The following PRKCH variants were observed in gnomAD, a reference collection of about 807,000 sequenced individuals.
PRKCH encodes protein kinase C eta type.
PRKCH carries 28 observed loss-of-function variants against 82.5 expected under a neutral mutation model. The observed-to-expected ratio is 0.34, with a 90% confidence interval of 0.25 to 0.47. The LOEUF (loss-of-function observed/expected upper bound fraction) is 0.47. Ranked by LOEUF, PRKCH falls within the 20% of genes least tolerant of loss-of-function variation. The probability of loss-of-function intolerance (pLI) is 1.00; values close to 1 mark genes in which losing one functional copy is unlikely to be tolerated. For synonymous variants in PRKCH, 322 were observed against 327.4 expected (o/e 0.98, Z 0.18); for missense variants, 705 against 881.8 (o/e 0.80, Z 2.54).
In PRKCH at chr14:61,205,352, T is replaced by G. The variant is rs566733463; in HGVS notation, c.-19+17684T>G. Among the ~76,000 whole-genome samples, 7 of 152,250 alleles carry G rather than the reference T, an allele frequency of 4.6e-5. No individual in the cohort carries two copies. In the East Asian group the frequency reaches 1.4e-3, roughly 29 times the overall value. On this transcript the variant is annotated intron_variant, in intron 1 of 3. Transcript: ENST00000555185. ...GGATTCTGACAGGAAACAGAAGTAG[T>G]TGAGATTCTGAAGGCAATTCCATAA... is the stretch of plus-strand genomic sequence containing the variant.
At chr14:61,519,300 TG>T (rs2042871486) in intron 10 of PRKCH, among the ~76,000 whole-genome samples, 1 of 151,726 alleles carries the variant, frequency 6.6e-6, no homozygotes, top group African/African-American at 2.4e-5. Context: ...AATGAATGAA[TG>T]AATGAATGAA....
At chr14:61,542,686 GTC>G (rs2043203546) in intron 12 of PRKCH, among the ~76,000 whole-genome samples, 1 of 152,178 alleles carries the variant, frequency 6.6e-6, no homozygotes, top group African/African-American at 2.4e-5. Flanking sequence ...TCAGAGTGTA[GTC>G]TCTCAGCAGC....
chr14:61,235,821 A>G (rs59227995), intron 1 of PRKCH, among the ~76,000 whole-genome samples: 7,874 of 152,310 alleles, frequency 0.052, 298 homozygotes, highest in East Asian at 0.12. Flanking sequence ...GGGCTGCCAC[A>G]TGGTCAGATA....
rs184432847 is a variant in PRKCH at position 61,525,265 on chromosome 14, G to A, written c.1434-3810G>A. On this transcript the variant is annotated intron_variant, in intron 10 of 13. Transcript: ENST00000332981. The stretch of plus-strand genomic sequence containing the variant: ...GGGCTGAGGGCAGCACTGGTAGCCT[G>A]GAATTACATTATGCTCTTAATTGAA... 6 of 152,352 alleles carry A rather than the reference G, an allele frequency of 3.9e-5. No individual in the cohort carries two copies. In the East Asian group the frequency reaches 1.2e-3, roughly 29 times the overall value. 9.4% of individuals were successfully genotyped at this position (152,352 alleles called of 1,614,324 possible).
intron 1 of PRKCH, among the ~76,000 whole-genome samples, chr14:61,218,682 T>C (rs2044633388): frequency 6.6e-6 from 1 of 152,192 alleles, no homozygotes; most frequent in Admixed American, 6.5e-5. Flanking sequence ...GGCTTTTGTC[T>C]CTAAGCCCTC....
intron 1 of PRKCH, among the ~76,000 whole-genome samples, chr14:61,294,534 C>T (rs1388443952): frequency 6.6e-6 from 1 of 151,604 alleles, no homozygotes; most frequent in Non-Finnish European, 1.5e-5. Context: ...TTGTGTCACC[C>T]AAGCATGTGA....
chr14:61,517,748 C>T (rs970840495), intron 10 of PRKCH, among the ~76,000 whole-genome samples: 9 of 152,190 alleles, frequency 5.9e-5, no homozygotes, highest in African/African-American at 1.7e-4. Flanking sequence ...CACAGCCACC[C>T]CTGGTTGTGA....
At chr14:61,227,420 C>T (rs561059470) in intron 1 of PRKCH, among the ~76,000 whole-genome samples, 31 of 152,182 alleles carry the variant, frequency 2.0e-4, no homozygotes, top group African/African-American at 7.0e-4. Context: ...GGTGAAACCC[C>T]GTCTCTACTA....
At chr14:61,368,451 T>C (rs1312543676) in intron 1 of PRKCH, among the ~76,000 whole-genome samples, 1 of 152,102 alleles carries the variant, frequency 6.6e-6, no homozygotes, top group Non-Finnish European at 1.5e-5. Flanking sequence ...TTCTGCCTAA[T>C]ACCTGACACA....
chr14:61,291,323 C>CTTTTTTTTTTTTTTTTTTTTTTTTTT (rs533117559), intron 1 of PRKCH, among the ~76,000 whole-genome samples: 1 of 96,692 alleles, frequency 1.0e-5, no homozygotes, highest in African/African-American at 3.6e-5. Flanking sequence ...CCCTCTGGTT[C>CTTTTTTTTTTTTTTTTTTTTTTTTTT]TTTTTTTTTT....
chr14:61,423,850 T>C (rs189170704), intron 2 of PRKCH, among the ~76,000 whole-genome samples: 1 of 152,326 alleles, frequency 6.6e-6, no homozygotes, highest in Admixed American at 6.5e-5. Context: ...TTAAATATAA[T>C]AACTGATATG....
chr14:61,286,573 T>G (rs1425435216), intron 1 of PRKCH, among the ~76,000 whole-genome samples: 1 of 151,664 alleles, frequency 6.6e-6, no homozygotes, highest in Non-Finnish European at 1.5e-5. Context: ...GGTCGGGAGT[T>G]CGAGATCAGT....
At chr14:61,299,527 T>C (rs1478971650) in intron 1 of PRKCH, among the ~76,000 whole-genome samples, 1 of 152,194 alleles carries the variant, frequency 6.6e-6, no homozygotes, top group East Asian at 1.9e-4. Context: ...TGTGACCAAT[T>C]ATTATTTTAG....
chr14:61,389,605 G>A (rs2046643332), intron 1 of PRKCH, among the ~76,000 whole-genome samples: 1 of 151,920 alleles, frequency 6.6e-6, no homozygotes, highest in Admixed American at 6.5e-5. Flanking sequence ...GGAGGCTGAG[G>A]CAGGAGAATC....
intron 1 of PRKCH, among the ~76,000 whole-genome samples, chr14:61,219,464 G>A (rs74054764): frequency 0.032 from 4,929 of 152,208 alleles, 259 homozygotes; most frequent in African/African-American, 0.11. Context: ...CTCTGTTTCT[G>A]TTGGTTCATG....
chr14:61,400,746 A>G lies in PRKCH; in HGVS notation c.427+9458A>G, dbSNP rs75639816. 4.2e-3 allele frequency among the ~76,000 whole-genome samples: 644 copies of G among 152,298 alleles called. 3 individuals carry two copies. Among genetic ancestry groups the G allele is most frequent in the Admixed American group, 0.01 (158 of 15,288 alleles). On this transcript the variant is annotated intron_variant, in intron 2 of 13. Transcript: ENST00000332981. The stretch of plus-strand genomic sequence containing the variant: ...TCTTACCTAGTAACTGAGTACCTCT[A>G]CGTGTTCATACCATGCTATATATTA...
intron 2 of PRKCH, among the ~76,000 whole-genome samples, chr14:61,421,604 A>T (rs1323232586): frequency 6.6e-6 from 1 of 152,090 alleles, no homozygotes; most frequent in Admixed American, 6.5e-5. Context: ...AGACCTTCAT[A>T]TTCATTGTAG....
upstream of PRKCH, among the ~76,000 whole-genome samples, chr14:61,319,498 G>T (rs866528380): frequency 6.6e-6 from 1 of 152,054 alleles, no homozygotes; most frequent in Non-Finnish European, 1.5e-5. Context: ...GGAGTGTCTG[G>T]TATCGTCATA....
intron 1 of PRKCH, among the ~76,000 whole-genome samples, chr14:61,375,101 C>T (rs1253701094): frequency 6.6e-6 from 1 of 151,992 alleles, no homozygotes; most frequent in Non-Finnish European, 1.5e-5. Flanking sequence ...CTGCCAGTTA[C>T]CCTAAATTAT....
Sources: gnomAD v4.1 joint callset for allele counts (sites outside exome capture counted in the v4.1 genomes callset) on GRCh38, gnomAD v4.1.1 for gene constraint, MANE v1.5 for transcripts, NCBI Gene and HGNC (gene_info 2026-07-23, HGNC 2026-07-21) for gene names.